Variants in CDK1 observed in about 807,000 individuals in gnomAD.
CDK1 encodes cyclin-dependent kinase 1.
A neutral mutation model predicts 34.6 loss-of-function variants in CDK1; 5 were observed. The observed-to-expected ratio is 0.14, with a 90% CI of 0.08 to 0.30. CDK1 has a LOEUF of 0.30. Ranked by LOEUF, CDK1 falls within the 10% of genes least tolerant of loss-of-function variation. CDK1 has a pLI of 1.00. For missense variants in CDK1, 157 were observed against 345.7 expected (o/e 0.45, Z 4.33); for synonymous variants, 108 against 114.7 (o/e 0.94, Z 0.37).
intron 2 of CDK1, among the ~76,000 whole-genome samples, chr10:60,780,573 A>C (rs3213030): frequency 6.6e-6 from 1 of 152,080 alleles, no homozygotes; most frequent in Admixed American, 6.5e-5. Flanking sequence ...GTCTCTTTCA[A>C]TTGTTTTTAG....
intron 3 of CDK1, 84 bp downstream of exon 3, chr10:60,784,945 C>A: frequency 7.6e-7 from 1 of 1,318,842 alleles, no homozygotes; most frequent in Non-Finnish European, 1.1e-6. Context: ...TACATTTGCT[C>A]AATTTCTTGG....
chr10:60,792,438 A>G (rs944469282), intron 7 of CDK1, 149 bp downstream of exon 7: 17 of 599,196 alleles, frequency 2.8e-5, no homozygotes, highest in Middle Eastern at 3.0e-4. Context: ...TTCATTTTAG[A>G]TATCAGGAGG....
intron 1 of CDK1, 83 bp from the exon 2 acceptor site, chr10:60,780,058 T>C: frequency 4.2e-6 from 3 of 719,322 alleles, no homozygotes; most frequent in Admixed American, 4.5e-5. Flanking sequence ...CTGTGGAAAA[T>C]GCTTTACATA....
intron 7 of CDK1, 21 bp downstream of exon 7, chr10:60,792,310 T>C: frequency 1.9e-6 from 3 of 1,574,526 alleles, no homozygotes; most frequent in Non-Finnish European, 2.6e-6. Context: ...CCCTTGATAC[T>C]GACTTTCAAA....
chr10:60,788,801 A>C (rs941105338), intron 5 of CDK1, among the ~76,000 whole-genome samples: 1 of 152,126 alleles, frequency 6.6e-6, no homozygotes, highest in Non-Finnish European at 1.5e-5. Context: ...GATTATTGAA[A>C]GGCTGTCTTC....
At chr10:60,793,109 T>C (rs1349429300) in intron 7 of CDK1, among the ~76,000 whole-genome samples, 1 of 152,206 alleles carries the variant, frequency 6.6e-6, no homozygotes, top group Admixed American at 6.5e-5. Flanking sequence ...ATTCCTTAGC[T>C]CTGGGAACTT....
chr10:60,785,688 T>C lies in CDK1; in HGVS notation c.219T>C (p.Asp73=), dbSNP rs747663798. 6.2e-7 allele frequency: 1 copy of C among 1,608,586 alleles called. No individual in the cohort carries two copies. Among genetic ancestry groups the C allele is most frequent in the East Asian group, 2.2e-5 (1 of 44,760 alleles). ...GTCTTCAGGATGTGCTTATGCAGGA[T>C]TCCAGGTTATATCTCATCTTTGAGT... ...IVSLQDVLMQ[D]SRLYLIFEFL... The change falls in exon 4 of 8, where the codon GAT becomes GAC. Residue 73 remains aspartate (D), a synonymous_variant. Coordinates refer to ENST00000395284, the MANE Select transcript of CDK1 (RefSeq NM_001786.5).
chr10:60,794,042 C>T lies in CDK1; in HGVS notation c.*67C>T. 2 of 769,528 alleles carry T rather than the reference C, an allele frequency of 2.6e-6. No homozygotes were observed. The highest frequency in any genetic ancestry group is 4.3e-6 in the Non-Finnish European group (2 of 468,580). The allele number at this position is 769,528 out of a possible 1,614,324, so 47.7% of individuals were successfully genotyped here. On this transcript the variant is annotated 3_prime_UTR_variant, in exon 8 of 8. Transcript: ENST00000395284. ...TTGTGTTTTTATTGTTAACTCTTGT[C>T]TATTTTTGTCTTATATATATTTCTT...
intron 2 of CDK1, among the ~76,000 whole-genome samples, chr10:60,784,292 G>T (rs779883144): frequency 6.6e-6 from 1 of 152,160 alleles, no homozygotes; most frequent in Non-Finnish European, 1.5e-5. Flanking sequence ...GGCCACACCA[G>T]ACATTTCTAT....
At chr10:60,784,093 C>T (rs1275373090) in intron 2 of CDK1, among the ~76,000 whole-genome samples, 1 of 152,114 alleles carries the variant, frequency 6.6e-6, no homozygotes, top group African/African-American at 2.4e-5. Context: ...AGGATATTGA[C>T]AGAAGGTTAA....
Position 60,793,966 on chromosome 10 carries a change from G to A in CDK1, c.885G>A (p.Lys295=). 1 of 1,511,732 alleles carries A rather than the reference G, an allele frequency of 6.6e-7. No homozygotes were observed. Among genetic ancestry groups the A allele is most frequent in the South Asian group, 1.3e-5 (1 of 79,418 alleles). 93.6% of individuals were successfully genotyped at this position (1,511,732 alleles called of 1,614,324 possible). The change falls in exon 8 of 8, where the codon AAG becomes AAA. Residue 295 remains lysine, a synonymous_variant. Transcript: ENST00000395284. ...PYFNDLDNQI[K]KM Reference sequence around the variant, plus strand: ...TTAATGATTTGGACAATCAGATTAAGAAGATGTAGCTTTCTGACAAAAAGT... The same window carrying A: ...TTAATGATTTGGACAATCAGATTAAAAAGATGTAGCTTTCTGACAAAAAGT...
intron 1 of CDK1, among the ~76,000 whole-genome samples, chr10:60,778,913 G>C (rs530833296): frequency 6.6e-6 from 1 of 152,316 alleles, no homozygotes; most frequent in African/African-American, 2.4e-5. Context: ...GCTCCCCCAC[G>C]CTGAGCGCCT....
chr10:60,788,242 A>G lies in CDK1; in HGVS notation c.489+12A>G, dbSNP rs2080331982. On this transcript the variant is annotated intron_variant, in intron 5 of 7. Coordinates refer to ENST00000395284, the MANE Select transcript of CDK1 (RefSeq NM_001786.5). ...TATATACACATGAGGCAAGTGGAAT[A>G]GTGGTTTTTGATGGCTTTTGAATGT... 6.5e-7 allele frequency: 1 copy of G among 1,540,682 alleles called. No individual in the cohort carries two copies. The highest frequency in any genetic ancestry group is 1.4e-5 in the African/African-American group (1 of 72,342).
intron 7 of CDK1, 23 bp from the exon 8 acceptor site, chr10:60,793,854 T>C (rs2132077327): frequency 7.7e-7 from 1 of 1,304,442 alleles, no homozygotes; most frequent in Non-Finnish European, 1.1e-6. Context: ...TAAATAAATA[T>C]CTCTTTTTCT....
At chr10:60,779,982 C>T (rs2080258046) in intron 1 of CDK1, among the ~76,000 whole-genome samples, 159 bp from the exon 2 acceptor site, 2 of 152,102 alleles carry the variant, frequency 1.3e-5, no homozygotes, top group South Asian at 4.1e-4. Context: ...TTGTAGGAGT[C>T]CTTACCCTTG....
chr10:60,780,097 C>A, intron 1 of CDK1, 44 bp from the exon 2 acceptor site: 2 of 898,062 alleles, frequency 2.2e-6, no homozygotes, highest in Non-Finnish European at 3.7e-6. Context: ...TAAAACTACT[C>A]GAGTTAGTGG....
intron 4 of CDK1, chr10:60,787,071 A>G (rs1386378277): frequency 1.0e-6 from 1 of 984,866 alleles, no homozygotes; most frequent in Non-Finnish European, 1.2e-6. Flanking sequence ...TCTTTTTCCA[A>G]ATGGCTAGCC....
chr10:60,793,772 A>G, intron 7 of CDK1, 105 bp from the exon 8 acceptor site: 1 of 607,940 alleles, frequency 1.6e-6, no homozygotes, highest in South Asian at 2.0e-5. Context: ...ATTCACTGAA[A>G]GTATTAGTTT....
chr10:60,781,601 C>G (rs533740525), intron 2 of CDK1, among the ~76,000 whole-genome samples: 2 of 152,176 alleles, frequency 1.3e-5, no homozygotes, highest in Non-Finnish European at 2.9e-5. Context: ...AACACTGTCT[C>G]CAAAACCATC....
Sources: gnomAD v4.1 joint callset for allele counts (sites outside exome capture counted in the v4.1 genomes callset) on GRCh38, gnomAD v4.1.1 for gene constraint, MANE v1.5 for transcripts, NCBI Gene and HGNC (gene_info 2026-07-23, HGNC 2026-07-21) for gene names.